Variants in CCNY observed in about 807,000 individuals in gnomAD.
CCNY encodes the protein cyclin Y.
CCNY carries 19 observed loss-of-function variants against 42.8 expected under a neutral mutation model. The observed-to-expected ratio is 0.44, with a 90% CI of 0.31 to 0.65. The LOEUF (loss-of-function observed/expected upper bound fraction) is 0.65. Ranked by LOEUF, CCNY falls within the 30% of genes least tolerant of loss-of-function variation. CCNY has a pLI of 0.07. For missense variants in CCNY, 370 were observed against 437.3 expected (o/e 0.85, Z 1.37); for synonymous variants, 165 against 162.7 (o/e 1.01, Z -0.11).
At chr10:35,567,645 C>T (rs930641983) in intron 9 of CCNY, among the ~76,000 whole-genome samples, 1 of 152,158 alleles carries the variant, frequency 6.6e-6, no homozygotes, top group African/African-American at 2.4e-5. Context: ...CTTGGCCACA[C>T]GGTGATCTAG....
chr10:35,472,391 C>T (rs1287962896), intron 1 of CCNY, among the ~76,000 whole-genome samples: 2 of 152,156 alleles, frequency 1.3e-5, no homozygotes, highest in Non-Finnish European at 2.9e-5. Context: ...CCTGGAGAGT[C>T]TTATTTTCAG....
intron 3 of CCNY, among the ~76,000 whole-genome samples, chr10:35,290,815 C>T (rs745704539): frequency 3.3e-5 from 5 of 151,564 alleles, no homozygotes; most frequent in East Asian, 1.9e-4. Flanking sequence ...ATAACAACAA[C>T]GAAAAAAACA....
chr10:35,421,920 C>T (rs147566638), intron 1 of CCNY, among the ~76,000 whole-genome samples: 2 of 152,236 alleles, frequency 1.3e-5, no homozygotes, highest in South Asian at 2.1e-4. Context: ...GTCTCCGTAA[C>T]AATCTTAGGT....
chr10:35,400,212 A>C (rs1274662848), intron 1 of CCNY, among the ~76,000 whole-genome samples: 1 of 144,752 alleles, frequency 6.9e-6, no homozygotes, highest in African/African-American at 2.6e-5. Context: ...AATACTAAAA[A>C]CGGCTTCTAG....
At chr10:35,386,216 A>C (rs1837297408) in intron 1 of CCNY, among the ~76,000 whole-genome samples, 1 of 152,136 alleles carries the variant, frequency 6.6e-6, no homozygotes, top group African/African-American at 2.4e-5. Flanking sequence ...ATCTTTTTTA[A>C]ATCTTCGTAT....
intron 1 of CCNY, among the ~76,000 whole-genome samples, chr10:35,358,577 C>T (rs1229065637): frequency 1.3e-5 from 2 of 152,202 alleles, no homozygotes; most frequent in African/African-American, 4.8e-5. Context: ...GAGTCGGTGC[C>T]ATTTATGACC....
chr10:35,564,507 G>A (rs1026736265), intron 8 of CCNY, among the ~76,000 whole-genome samples: 1 of 152,102 alleles, frequency 6.6e-6, no homozygotes, highest in Admixed American at 6.5e-5. Flanking sequence ...ATGAGTCACC[G>A]GGAACAGCCA....
intron 1 of CCNY, among the ~76,000 whole-genome samples, chr10:35,444,551 A>G (rs1838749586): frequency 6.6e-6 from 1 of 152,130 alleles, no homozygotes. Flanking sequence ...TCTGGCTATA[A>G]CTGTTTGACT....
At chr10:35,352,716 G>A (rs545631785) in intron 1 of CCNY, among the ~76,000 whole-genome samples, 110 of 152,270 alleles carry the variant, frequency 7.2e-4, no homozygotes, top group African/African-American at 2.5e-3. Flanking sequence ...ATTACAATAC[G>A]GTGTGTAGGG....
At chr10:35,388,156 T>C (rs1435495616) in intron 1 of CCNY, among the ~76,000 whole-genome samples, 2 of 152,254 alleles carry the variant, frequency 1.3e-5, no homozygotes, top group Non-Finnish European at 2.9e-5. Flanking sequence ...AGGGGTGGGC[T>C]GTCTTCTGCA....
At chr10:35,307,810 A>T (rs1835629642) in intron 3 of CCNY, among the ~76,000 whole-genome samples, 8 of 71,384 alleles carry the variant, frequency 1.1e-4, no homozygotes, top group South Asian at 5.6e-4. Flanking sequence ...GTATATATAT[A>T]TATATATATT....
In CCNY at chr10:35,394,874, A is replaced by G; in HGVS notation, c.154+57667A>G. Reference sequence around the variant, plus strand: ...TTCATCACGGGCCCTCTCCTTCTGAATACTGTGAGTCTGTGCCTTGGAAAA... The same window carrying G: ...TTCATCACGGGCCCTCTCCTTCTGAGTACTGTGAGTCTGTGCCTTGGAAAA... On this transcript the variant is annotated intron_variant, in intron 1 of 9. Coordinates refer to ENST00000374704, the MANE Select transcript of CCNY (RefSeq NM_145012.6). 4 of 984,046 alleles carry G rather than the reference A, an allele frequency of 4.1e-6. No homozygotes were observed. The South Asian group carries it at 1.4e-4, about 35-fold the overall frequency. The allele number at this position is 984,046 out of a possible 1,614,324, so 61.0% of individuals were successfully genotyped here.
chr10:35,430,933 A>C (rs1021184830), intron 1 of CCNY, among the ~76,000 whole-genome samples: 1 of 152,102 alleles, frequency 6.6e-6, no homozygotes, highest in African/African-American at 2.4e-5. Context: ...CCTGGCCAAC[A>C]TGGTGAAACC....
chr10:35,342,411 T>G (rs958032599), intron 1 of CCNY, among the ~76,000 whole-genome samples: 1 of 152,224 alleles, frequency 6.6e-6, no homozygotes, highest in African/African-American at 2.4e-5. Context: ...AGCATGTGAC[T>G]TCATATTAGT....
intron 3 of CCNY, among the ~76,000 whole-genome samples, chr10:35,267,500 G>A (rs1589007910): frequency 1.3e-5 from 2 of 152,140 alleles, no homozygotes; most frequent in Non-Finnish European, 2.9e-5. Flanking sequence ...CTGTCACCCC[G>A]TTCTGCTGGG....
intron 1 of CCNY, among the ~76,000 whole-genome samples, chr10:35,339,485 T>A (rs1319877111): frequency 1.3e-5 from 2 of 152,216 alleles, no homozygotes; most frequent in African/African-American, 4.8e-5. Context: ...TCTGTATGTA[T>A]TTGAACTGAG....
chr10:35,255,060 T>C (rs2095714533), intron 3 of CCNY, among the ~76,000 whole-genome samples: 1 of 152,020 alleles, frequency 6.6e-6, no homozygotes, highest in African/African-American at 2.4e-5. Flanking sequence ...GTGTATCCTG[T>C]TGTTGCTGGG....
intron 1 of CCNY, among the ~76,000 whole-genome samples, chr10:35,406,518 A>C (rs956200534): frequency 3.9e-5 from 6 of 152,090 alleles, no homozygotes; most frequent in Non-Finnish European, 5.9e-5. Flanking sequence ...TGGACACAGC[A>C]CATGTTTCAG....
intron 3 of CCNY, among the ~76,000 whole-genome samples, chr10:35,263,242 A>C (rs1248483583): frequency 1.3e-5 from 2 of 150,660 alleles, no homozygotes; most frequent in African/African-American, 4.9e-5. Context: ...CTGTGGTCCC[A>C]GCTACTCAGG....
Sources: allele counts gnomAD v4.1 joint callset (sites outside exome capture counted in the v4.1 genomes callset), GRCh38; gene constraint gnomAD v4.1.1; transcripts MANE v1.5; gene names NCBI Gene and HGNC (gene_info 2026-07-23, HGNC 2026-07-21).